Variants in CNTN5 observed in about 807,000 individuals in gnomAD.
The protein encoded by CNTN5 is contactin 5.
A neutral mutation model predicts 129.1 loss-of-function variants in CNTN5; 77 were observed. That is an observed-to-expected ratio of 0.60 (90% CI 0.50 to 0.72). The LOEUF (loss-of-function observed/expected upper bound fraction) is 0.72. CNTN5 is among the 30% of genes least tolerant of loss of function. The pLI, the probability that CNTN5 is intolerant of heterozygous loss-of-function variation, is 0.00. For synonymous variants in CNTN5, 509 were observed against 465.6 expected, an observed-to-expected ratio of 1.09 and a Z score of -1.20; for missense variants, 1,478 against 1,328.8, an observed-to-expected ratio of 1.11 and a Z score of -1.75.
At chr11:100,252,760 G>C (rs1949992683) in intron 16 of CNTN5, among the ~76,000 whole-genome samples, 1 of 152,150 alleles carries the variant, frequency 6.6e-6, no homozygotes. Flanking sequence ...CTGGATGCAA[G>C]TTGGATCTCT....
At chr11:99,984,173 A>T (rs1340420245) in intron 8 of CNTN5, among the ~76,000 whole-genome samples, 1 of 152,116 alleles carries the variant, frequency 6.6e-6, no homozygotes, top group African/African-American at 2.4e-5. Context: ...GCTACTTGGA[A>T]GTCTGAGTCG....
intron 2 of CNTN5, among the ~76,000 whole-genome samples, chr11:99,467,973 T>A (rs1422220064): frequency 6.6e-6 from 1 of 152,128 alleles, no homozygotes; most frequent in Non-Finnish European, 1.5e-5. Flanking sequence ...ATTTCAGAGA[T>A]CATATTTACC....
At chr11:100,170,532 A>G (rs545244086) in intron 13 of CNTN5, among the ~76,000 whole-genome samples, 1 of 152,150 alleles carries the variant, frequency 6.6e-6, no homozygotes. Context: ...ATGACTTAAA[A>G]TTCTTTTTGT....
intron 18 of CNTN5, among the ~76,000 whole-genome samples, chr11:100,272,928 G>T (rs1429514965): frequency 6.6e-6 from 1 of 152,150 alleles, no homozygotes; most frequent in Admixed American, 6.5e-5. Context: ...AGCCCAGAGG[G>T]TTTGGTGCAA....
At chr11:99,395,194 C>A (rs181257905) in intron 2 of CNTN5, among the ~76,000 whole-genome samples, 1 of 151,976 alleles carries the variant, frequency 6.6e-6, no homozygotes, top group East Asian at 1.9e-4. Context: ...CCCAACCTCA[C>A]AAGCATCTTT....
intron 2 of CNTN5, among the ~76,000 whole-genome samples, chr11:99,496,883 T>A (rs1946246420): frequency 6.6e-6 from 1 of 152,172 alleles, no homozygotes; most frequent in Admixed American, 6.5e-5. Flanking sequence ...CTAGTCATAA[T>A]TCAAAGGAAC....
chr11:100,032,153 C>T (rs1941746371), intron 9 of CNTN5, among the ~76,000 whole-genome samples: 1 of 152,050 alleles, frequency 6.6e-6, no homozygotes, highest in African/African-American at 2.4e-5. Flanking sequence ...TATAACTTTA[C>T]TTTTATATAT....
At chr11:100,159,744 A>G (rs974022866) in intron 13 of CNTN5, among the ~76,000 whole-genome samples, 1 of 151,978 alleles carries the variant, frequency 6.6e-6, no homozygotes. Context: ...AATAGAGCAC[A>G]TGCCAGATAT....
intron 3 of CNTN5, among the ~76,000 whole-genome samples, chr11:99,635,490 T>TA (rs5794009): frequency 0.59 from 89,113 of 151,136 alleles, 27,325 homozygotes; most frequent in Admixed American, 0.69. Flanking sequence ...GCAGAAGTAA[T>TA]AAAACAAATT....
intron 21 of CNTN5, among the ~76,000 whole-genome samples, chr11:100,312,958 T>C (rs947066184): frequency 6.6e-6 from 1 of 152,014 alleles, no homozygotes; most frequent in Non-Finnish European, 1.5e-5. Context: ...TAAACTCTGA[T>C]AACAATACAC....
chr11:99,465,894 T>TTTC (rs1554995295), intron 2 of CNTN5, among the ~76,000 whole-genome samples: 1 of 147,820 alleles, frequency 6.8e-6, no homozygotes, highest in African/African-American at 2.5e-5. Flanking sequence ...TTTTTTTTTT[T>TTTC]CCTTTGAGAC....
chr11:99,243,902 G>T (rs1214165616), intron 1 of CNTN5, among the ~76,000 whole-genome samples: 2 of 151,734 alleles, frequency 1.3e-5, no homozygotes, highest in Non-Finnish European at 2.9e-5. Context: ...GCAATGTGAT[G>T]CCTCCAGCTG....
chr11:100,312,197 A>G (rs1348126100), intron 21 of CNTN5, among the ~76,000 whole-genome samples: 1 of 152,124 alleles, frequency 6.6e-6, no homozygotes, highest in African/African-American at 2.4e-5. Context: ...TATAAACAGA[A>G]CATAATGAAA....
At chr11:99,191,940 A>G (rs1858664302) in intron 1 of CNTN5, among the ~76,000 whole-genome samples, 1 of 151,766 alleles carries the variant, frequency 6.6e-6, no homozygotes, top group Admixed American at 6.6e-5. Context: ...TAGATGAAGG[A>G]AAAAATAATA....
At chr11:99,997,127 T>C (rs1939503586) in intron 8 of CNTN5, among the ~76,000 whole-genome samples, 1 of 152,216 alleles carries the variant, frequency 6.6e-6, no homozygotes, top group East Asian at 1.9e-4. Context: ...TTCTTCTCTC[T>C]TTTTTTCTTT....
chr11:100,062,899 C>G (rs1943540869), intron 10 of CNTN5, among the ~76,000 whole-genome samples: 1 of 152,128 alleles, frequency 6.6e-6, no homozygotes, highest in Non-Finnish European at 1.5e-5. Context: ...CCCAGTGGAG[C>G]AAAGATTAAT....
intron 1 of CNTN5, among the ~76,000 whole-genome samples, chr11:99,196,132 T>C (rs1189958230): frequency 1.3e-5 from 2 of 151,826 alleles, no homozygotes; most frequent in African/African-American, 4.8e-5. Flanking sequence ...CTTTTGCTTA[T>C]TTATAAACAG....
intron 2 of CNTN5, among the ~76,000 whole-genome samples, chr11:99,401,495 T>A (rs774955345): frequency 2.0e-5 from 3 of 152,172 alleles, no homozygotes; most frequent in Non-Finnish European, 4.4e-5. Context: ...ACCTCTGTAG[T>A]ATAATTTGAA....
chr11:99,155,666 A>C (rs763815234), intron 1 of CNTN5, among the ~76,000 whole-genome samples: 1 of 152,208 alleles, frequency 6.6e-6, no homozygotes, highest in Non-Finnish European at 1.5e-5. Flanking sequence ...TAAAAAAAAA[A>C]ACTAGTAAGT....
Sources: allele counts gnomAD v4.1 joint callset (sites outside exome capture counted in the v4.1 genomes callset), GRCh38; gene constraint gnomAD v4.1.1; transcripts MANE v1.5; gene names NCBI Gene and HGNC (gene_info 2026-07-23, HGNC 2026-07-21).